Variants in TGFBI observed in about 807,000 individuals in gnomAD.
The protein encoded by TGFBI is transforming growth factor-beta-induced protein ig-h3.
In TGFBI, 50 loss-of-function variants were observed where a neutral mutation model predicts 73.7. That is an observed-to-expected ratio of 0.68 (90% CI 0.54 to 0.86). TGFBI has a LOEUF of 0.86. Ranked by LOEUF, TGFBI falls within the 40% of genes least tolerant of loss-of-function variation. TGFBI has a pLI of 0.00. For missense variants in TGFBI, 839 were observed against 877.0 expected (o/e 0.96, Z 0.55); for synonymous variants, 362 against 360.5 (o/e 1.00, Z -0.05).
chr5:136,062,605 T>G, intron 15 of TGFBI, 58 bp from the exon 16 acceptor site: 1 of 1,534,684 alleles, frequency 6.5e-7, no homozygotes, highest in Non-Finnish European at 8.8e-7. Context: ...GCCATTGTCA[T>G]AAGCAGTTGC....
At chr5:136,058,639 G>C (rs1751693244) in intron 12 of TGFBI, 1 of 155,880 alleles carries the variant, frequency 6.4e-6, no homozygotes, top group South Asian at 2.0e-4. Context: ...TTTGAGGGCA[G>C]AATGTGTAAA....
intron 7 of TGFBI, 67 bp from the exon 8 acceptor site, chr5:136,052,840 C>A: frequency 6.8e-7 from 1 of 1,477,316 alleles, no homozygotes; most frequent in Non-Finnish European, 9.3e-7. Context: ...CATGGGCAGG[C>A]TGCAAGTGGT....
chr5:136,051,761 A>G (rs1751540829), intron 7 of TGFBI, among the ~76,000 whole-genome samples: 1 of 152,100 alleles, frequency 6.6e-6, no homozygotes, highest in Non-Finnish European at 1.5e-5. Context: ...AGGTTCCTCT[A>G]CCACATCGTG....
At chr5:136,053,173 C>A (rs1300154905) in intron 8 of TGFBI, 54 bp downstream of exon 8, 2 of 1,550,284 alleles carry the variant, frequency 1.3e-6, no homozygotes, top group Admixed American at 1.7e-5. Context: ...TCTCTTCTGC[C>A]ATCCTTTGTG....
At chr5:136,060,972 C>A (rs1219947183) in intron 14 of TGFBI, 36 bp downstream of exon 14, 1 of 1,459,060 alleles carries the variant, frequency 6.9e-7, no homozygotes, top group Non-Finnish European at 9.3e-7. Context: ...TGCAGCCAGT[C>A]CTTTTCTTCA....
rs1015933499 is a variant in TGFBI at position 136,029,048 on chromosome 5, C to T, written c.-8C>T. The T allele has an allele frequency of 6.6e-7, 1 of 1,525,370 alleles. No homozygotes were observed. Among genetic ancestry groups the T allele is most frequent in the African/African-American group, 1.4e-5 (1 of 71,026 alleles). The allele number at this position is 1,525,370 out of a possible 1,614,324, so 94.5% of individuals were successfully genotyped here. ...CGCTAGCTCGCTCGGTGCGCGTCGTCCCGCTCCATGGCGCTCTTCGTGCGG... is the reference window on the plus strand; with the variant it reads ...CGCTAGCTCGCTCGGTGCGCGTCGTTCCGCTCCATGGCGCTCTTCGTGCGG... On this transcript the variant is annotated 5_prime_UTR_variant, in exon 1 of 17. Transcript: ENST00000442011.
chr5:136,061,911 A>G (rs541191489), intron 15 of TGFBI, among the ~76,000 whole-genome samples: 25 of 152,344 alleles, frequency 1.6e-4, no homozygotes, highest in African/African-American at 5.5e-4. Context: ...AGTTCATCTT[A>G]CAGTGGCCAG....
chr5:136,058,546 G>A (rs1037696196), intron 12 of TGFBI, among the ~76,000 whole-genome samples: 13 of 152,122 alleles, frequency 8.5e-5, no homozygotes, highest in Non-Finnish European at 1.5e-4. Flanking sequence ...TGACCTCATC[G>A]GCTCCATGGC....
intron 4 of TGFBI, 136 bp from the exon 5 acceptor site, chr5:136,046,715 T>G (rs1751435566): frequency 7.7e-7 from 1 of 1,298,734 alleles, no homozygotes; most frequent in African/African-American, 1.5e-5. Context: ...ACTTGGGTGC[T>G]TCCTGAGGAG....
At chr5:136,033,527 G>A (rs568280605) in intron 1 of TGFBI, among the ~76,000 whole-genome samples, 1 of 152,214 alleles carries the variant, frequency 6.6e-6, no homozygotes, top group Admixed American at 6.5e-5. Flanking sequence ...AGTTACATCA[G>A]TATGTAAGAG....
intron 6 of TGFBI, chr5:136,049,018 G>C: frequency 5.9e-6 from 1 of 168,134 alleles, no homozygotes; most frequent in Non-Finnish European, 1.3e-5. Flanking sequence ...GTGTGAGGAG[G>C]GCTGCAAGCC....
chr5:136,051,284 G>T (rs964256869), intron 7 of TGFBI, among the ~76,000 whole-genome samples: 1 of 152,078 alleles, frequency 6.6e-6, no homozygotes, highest in Non-Finnish European at 1.5e-5. Flanking sequence ...ACAAAAATTA[G>T]CTGGGTGTGG....
Position 136,061,404 on chromosome 5 carries a change from G to A in TGFBI, c.1907-96G>A. Reference sequence around the variant, plus strand: ...AGAAAACATGTCTTTGGAAATGTGAGCCAGAAAGCCCACCAGTGCCCCTCA... The same window carrying A: ...AGAAAACATGTCTTTGGAAATGTGAACCAGAAAGCCCACCAGTGCCCCTCA... On this transcript the variant is annotated intron_variant, in intron 14 of 16. Coordinates refer to ENST00000442011, the MANE Select transcript of TGFBI (RefSeq NM_000358.3). 4.6e-6 allele frequency: 4 copies of A among 869,424 alleles called. No homozygotes were observed. In the Admixed American group the frequency reaches 8.1e-5, roughly 18 times the overall value. The allele number at this position is 869,424 out of a possible 1,614,324, so 53.9% of individuals were successfully genotyped here. A position where few individuals can be genotyped will look rare whatever the true frequency, so the allele number is the denominator to read the frequency against.
chr5:136,043,741 T>C (rs1237076500), intron 2 of TGFBI, among the ~76,000 whole-genome samples: 4 of 152,226 alleles, frequency 2.6e-5, no homozygotes, highest in Non-Finnish European at 4.4e-5. Flanking sequence ...CTGTGAATAA[T>C]GTTGAGATAA....
intron 4 of TGFBI, 58 bp from the exon 5 acceptor site, chr5:136,046,793 C>T: frequency 6.4e-7 from 1 of 1,558,608 alleles, no homozygotes; most frequent in South Asian, 1.2e-5. Flanking sequence ...GTTGCAAGGA[C>T]CCATCTCTTA....
chr5:136,029,126 G>T lies in TGFBI; in HGVS notation c.71G>T (p.Gly24Val), dbSNP rs892742439. The T allele has an allele frequency of 1.3e-6, 2 of 1,525,074 alleles. No individual in the cohort carries two copies. Among genetic ancestry groups the T allele is most frequent in the African/African-American group, 2.8e-5 (2 of 71,128 alleles). The allele number at this position is 1,525,074 out of a possible 1,614,324, so 94.5% of individuals were successfully genotyped here. A position where few individuals can be genotyped will look rare whatever the true frequency, so the allele number is the denominator to read the frequency against. Reference sequence around the variant, plus strand: ...CTGGGCCCCGCCGCGACCCTGGCGGGTCCCGCCAAGTCGCCCTACCAGCTG... The same window carrying T: ...CTGGGCCCCGCCGCGACCCTGGCGGTTCCCGCCAAGTCGCCCTACCAGCTG... ...LALGPAATLAGPAKSPYQLVL... is the reference protein window; with the variant it reads ...LALGPAATLAVPAKSPYQLVL... The change falls in exon 1 of 17, where the codon GGT becomes GTT. Residue 24 changes from glycine (G) to valine (V), a missense_variant. Transcript: ENST00000442011.
chr5:136,035,902 G>A (rs576786976), intron 2 of TGFBI, among the ~76,000 whole-genome samples: 3 of 152,158 alleles, frequency 2.0e-5, no homozygotes, highest in Admixed American at 6.5e-5. Flanking sequence ...CTACAGGGTA[G>A]CATCTGCCAC....
At chr5:136,049,683 C>A in intron 7 of TGFBI, 103 bp downstream of exon 7, 1 of 1,391,102 alleles carries the variant, frequency 7.2e-7, no homozygotes, top group Non-Finnish European at 9.8e-7. Flanking sequence ...ATGAGGTGAC[C>A]CTCAGGATAT....
intron 12 of TGFBI, among the ~76,000 whole-genome samples, chr5:136,057,407 A>G (rs1416568766): frequency 6.6e-6 from 1 of 152,154 alleles, no homozygotes; most frequent in Non-Finnish European, 1.5e-5. Context: ...CATGGCTCTG[A>G]GAGATCTAGT....
Sources: allele counts gnomAD v4.1 joint callset (sites outside exome capture counted in the v4.1 genomes callset), GRCh38; gene constraint gnomAD v4.1.1; transcripts MANE v1.5; gene names NCBI Gene and HGNC (gene_info 2026-07-23, HGNC 2026-07-21).